LYRM4: variants seen among roughly 807,000 people sequenced by gnomAD.
LYRM4 encodes the protein LYR motif containing 4.
A neutral mutation model predicts 11.7 loss-of-function variants in LYRM4; 9 were observed. That is an observed-to-expected ratio of 0.77 (90% CI 0.46 to 1.34). The LOEUF (loss-of-function observed/expected upper bound fraction) is 1.34, where lower values mean the gene tolerates loss of function less well. LYRM4 is among the 40% of genes most tolerant of loss of function. The pLI is 0.00. For synonymous variants in LYRM4, 42 were observed against 40.4 expected (o/e 1.04, Z -0.15); for missense variants, 133 against 112.5 (o/e 1.18, Z -0.82).
chr6:5,061,136 T>A, the LYRM4 span, among the ~76,000 whole-genome samples: 1 of 152,204 alleles, frequency 6.6e-6, no homozygotes, highest in African/African-American at 2.4e-5. Context: ...ATTAATTGTA[T>A]TTTTTGGTGA....
At chr6:5,234,601 C>A (rs953342656) in intron 1 of LYRM4, among the ~76,000 whole-genome samples, 3 of 152,182 alleles carry the variant, frequency 2.0e-5, no homozygotes, top group Non-Finnish European at 1.5e-5. Context: ...AGAGGGAAAG[C>A]CTTTCTGCAA....
At position 5,108,651 on chromosome 6, in the gene LYRM4, G is replaced by A. The variant is rs559642513; in HGVS notation, c.*772C>T. ...TGTCCACCAGCCAGATTTGGGCACC[G>A]GTGCTGCCCAGCATGCCCCAGGCTT... is the stretch of plus-strand genomic sequence containing the variant. On this transcript the variant is annotated 3_prime_UTR_variant, in exon 3 of 3. Transcript: ENST00000330636. 5.3e-4 allele frequency: 272 copies of A among 511,350 alleles called. No individual in the cohort carries two copies. Among genetic ancestry groups the A allele is most frequent in the African/African-American group, 4.8e-3 (230 of 48,056 alleles). The allele number at this position is 511,350 out of a possible 1,614,324, so 31.7% of individuals were successfully genotyped here. A position where few individuals can be genotyped will look rare whatever the true frequency, so the allele number is the denominator to read the frequency against.
At chr6:5,148,237 G>A (rs1436346319) in intron 2 of LYRM4, 1 of 153,000 alleles carries the variant, frequency 6.5e-6, no homozygotes, top group African/African-American at 2.4e-5. Context: ...GACCGTTTGA[G>A]GCACTGAGGA....
In LYRM4 at chr6:5,245,106, AAAAAAAAATATATATATATATAT is replaced by A. The variant is rs1489173898; in HGVS notation, c.86+15519_86+15541del. 1.1e-3 allele frequency among the ~76,000 whole-genome samples: 60 copies of A among 52,412 alleles called. 5 individuals are homozygous for A. The highest frequency in any genetic ancestry group is 4.2e-3 in the African/African-American group (53 of 12,628). The allele number at this position is 52,412 out of a possible 152,430, so 34.4% of individuals were successfully genotyped here. On this transcript the variant is annotated intron_variant, in intron 1 of 2. Coordinates refer to ENST00000330636, the MANE Select transcript of LYRM4 (RefSeq NM_020408.6). ...GAAGACCTTAAAAAAAAAAAAAAAA[AAAAAAAAATATATATATATATAT>A]ATATATATATATATATATATATATA...
At chr6:5,167,345 T>C (rs1420866330) in intron 2 of LYRM4, among the ~76,000 whole-genome samples, 2 of 152,210 alleles carry the variant, frequency 1.3e-5, no homozygotes, top group African/African-American at 4.8e-5. Context: ...AGAAAATGTC[T>C]TGTTCTATGC....
chr6:5,085,727 G>A, the LYRM4 span: 6 of 1,544,926 alleles, frequency 3.9e-6, no homozygotes, highest in African/African-American at 2.8e-5. Context: ...CGCCGCTGCC[G>A]CGCGCGCTCC....
chr6:5,144,050 G>C, intron 2 of LYRM4: 2 of 1,436,510 alleles, frequency 1.4e-6, no homozygotes, highest in Non-Finnish European at 1.9e-6. Context: ...TTTCCTCCCT[G>C]AATAGCTGCT....
chr6:5,192,546 C>A (rs915531707), intron 2 of LYRM4, among the ~76,000 whole-genome samples: 2 of 152,160 alleles, frequency 1.3e-5, no homozygotes, highest in Non-Finnish European at 1.5e-5. Context: ...GACAGTTAGG[C>A]CTTTGAGTCC....
intron 2 of LYRM4, among the ~76,000 whole-genome samples, chr6:5,172,603 C>T (rs1346581656): frequency 6.6e-6 from 1 of 152,110 alleles, no homozygotes; most frequent in East Asian, 1.9e-4. Context: ...AAGGGAGGAC[C>T]ACACAAATGA....
Position 5,129,136 on chromosome 6 carries a change from G to A in LYRM4, c.208-19645C>T, listed in dbSNP as rs571699868. 1.4e-4 allele frequency among the ~76,000 whole-genome samples: 21 copies of A among 152,268 alleles called. No individual in the cohort carries two copies. The South Asian group carries it at 3.7e-3, about 27-fold the overall frequency. Reference sequence around the variant, plus strand: ...CACTGCACTTGATGGTGTGATCTTCGGACTGCGTCTACCTGCTCCCGCACT... The same window carrying A: ...CACTGCACTTGATGGTGTGATCTTCAGACTGCGTCTACCTGCTCCCGCACT... On this transcript the variant is annotated intron_variant, in intron 2 of 2. Coordinates refer to ENST00000330636, the MANE Select transcript of LYRM4 (RefSeq NM_020408.6).
chr6:5,217,858 G>C (rs1474407177), intron 1 of LYRM4, among the ~76,000 whole-genome samples: 2 of 152,122 alleles, frequency 1.3e-5, no homozygotes, highest in African/African-American at 4.8e-5. Flanking sequence ...AGATTGAAAG[G>C]CATAAGACTA....
chr6:5,071,578 A>G, the LYRM4 span, among the ~76,000 whole-genome samples: 2 of 151,704 alleles, frequency 1.3e-5, no homozygotes, highest in African/African-American at 4.8e-5. Flanking sequence ...ATATGTATAT[A>G]TATGTGTATG....
At chr6:5,052,161 T>C in the LYRM4 span, among the ~76,000 whole-genome samples, 1 of 152,156 alleles carries the variant, frequency 6.6e-6, no homozygotes, top group Non-Finnish European at 1.5e-5. Context: ...CACTAAACAG[T>C]AACTCAAAGC....
intron 2 of LYRM4, among the ~76,000 whole-genome samples, chr6:5,159,350 G>A (rs1379153263): frequency 6.6e-6 from 1 of 152,228 alleles, no homozygotes; most frequent in African/African-American, 2.4e-5. Flanking sequence ...CATAGTGAGA[G>A]GGAAGCCAGG....
downstream of LYRM4, among the ~76,000 whole-genome samples, chr6:5,101,794 C>T (rs1762505376): frequency 6.6e-6 from 1 of 151,866 alleles, no homozygotes; most frequent in Admixed American, 6.6e-5. Flanking sequence ...ACTACCACCA[C>T]ACCATTTTAT....
the LYRM4 span, among the ~76,000 whole-genome samples, chr6:5,039,302 A>G: frequency 6.6e-6 from 1 of 152,242 alleles, no homozygotes; most frequent in Non-Finnish European, 1.5e-5. Flanking sequence ...ATATTTATTG[A>G]GAACCAACTA....
At chr6:5,118,079 A>ATATATATAT (rs142020013) in intron 2 of LYRM4, among the ~76,000 whole-genome samples, 1 of 40,362 alleles carries the variant, frequency 2.5e-5, no homozygotes, top group Non-Finnish European at 5.8e-5. Context: ...TCACCAAAAC[A>ATATATATAT]ATATATATAT....
At chr6:5,158,958 C>T (rs1283253202) in intron 2 of LYRM4, among the ~76,000 whole-genome samples, 1 of 136,742 alleles carries the variant, frequency 7.3e-6, no homozygotes, top group African/African-American at 2.7e-5. Flanking sequence ...GAGAAGGCAA[C>T]CTTGGCCTCC....
chr6:5,174,252 G>A (rs1464438544), intron 2 of LYRM4, among the ~76,000 whole-genome samples: 1 of 152,128 alleles, frequency 6.6e-6, no homozygotes, highest in Non-Finnish European at 1.5e-5. Context: ...TGCAGTGAAT[G>A]CTCTACAGAG....
Sources: allele counts gnomAD v4.1 joint callset (sites outside exome capture counted in the v4.1 genomes callset), GRCh38; gene constraint gnomAD v4.1.1; transcripts MANE v1.5; gene names NCBI Gene and HGNC (gene_info 2026-07-23, HGNC 2026-07-21).